SBF2: variants seen among roughly 807,000 people sequenced by gnomAD.
The protein encoded by SBF2 is SET binding factor 2.
SBF2 carries 112 observed loss-of-function variants against 225.2 expected under a neutral mutation model. The observed-to-expected ratio is 0.50, with a 90% confidence interval of 0.43 to 0.58. SBF2 has a LOEUF of 0.58. Ranked by LOEUF, SBF2 falls within the 20% of genes least tolerant of loss-of-function variation. SBF2 has a pLI of 0.00. For missense variants in SBF2, 1,996 were observed against 2,206.2 expected (o/e 0.90, Z 1.91); for synonymous variants, 763 against 773.3 (o/e 0.99, Z 0.22).
chr11:9,854,034 T>C (rs1456646946), intron 19 of SBF2, among the ~76,000 whole-genome samples: 2 of 152,178 alleles, frequency 1.3e-5, no homozygotes, highest in Non-Finnish European at 2.9e-5. Context: ...AAAGAGGATT[T>C]TTTCATTTAT....
At chr11:9,868,892 C>CG (rs1437619263) in intron 17 of SBF2, among the ~76,000 whole-genome samples, 1 of 152,168 alleles carries the variant, frequency 6.6e-6, no homozygotes, top group African/African-American at 2.4e-5. Flanking sequence ...TAGCACTCAC[C>CG]GGGCACATCT....
chr11:9,966,399 AT>A (rs1866914447), intron 14 of SBF2, among the ~76,000 whole-genome samples: 1 of 152,104 alleles, frequency 6.6e-6, no homozygotes, highest in Non-Finnish European at 1.5e-5. Flanking sequence ...CAGAAAACAT[AT>A]TTTCTTGTAA....
chr11:10,257,206 T>C (rs945141364), intron 1 of SBF2, among the ~76,000 whole-genome samples: 15 of 152,206 alleles, frequency 9.9e-5, no homozygotes, highest in Non-Finnish European at 1.5e-5. Flanking sequence ...TATCCCATAC[T>C]GTCAATGACT....
At chr11:9,967,143 G>C (rs1229989485) in intron 14 of SBF2, among the ~76,000 whole-genome samples, 1 of 152,138 alleles carries the variant, frequency 6.6e-6, no homozygotes, top group Non-Finnish European at 1.5e-5. Context: ...AGGCCGAGGA[G>C]GGCAGATCAC....
intron 1 of SBF2, among the ~76,000 whole-genome samples, chr11:10,265,694 C>T (rs1386206883): frequency 6.6e-6 from 1 of 151,878 alleles, no homozygotes; most frequent in East Asian, 1.9e-4. Context: ...TAATAGCTGC[C>T]TTCTTTTTGA....
chr11:10,230,013 T>C (rs1205396766), intron 1 of SBF2, among the ~76,000 whole-genome samples: 4 of 152,164 alleles, frequency 2.6e-5, no homozygotes, highest in East Asian at 1.9e-4. Flanking sequence ...TGGGTGCATA[T>C]ATATTTAGGA....
At chr11:9,903,124 A>T (rs1861855901) in intron 16 of SBF2, among the ~76,000 whole-genome samples, 1 of 152,152 alleles carries the variant, frequency 6.6e-6, no homozygotes, top group Non-Finnish European at 1.5e-5. Context: ...GATCAAGACC[A>T]TCCTGGCTAA....
At chr11:10,049,045 T>G (rs940407938) in intron 2 of SBF2, among the ~76,000 whole-genome samples, 2 of 152,188 alleles carry the variant, frequency 1.3e-5, no homozygotes, top group Non-Finnish European at 2.9e-5. Context: ...CCTCTTCCAA[T>G]GACATATTTT....
intron 2 of SBF2, among the ~76,000 whole-genome samples, chr11:10,168,884 C>T (rs1956079573): frequency 6.6e-6 from 1 of 152,138 alleles, no homozygotes; most frequent in Non-Finnish European, 1.5e-5. Flanking sequence ...ATGGAAACCA[C>T]AATAAATTAA....
intron 17 of SBF2, among the ~76,000 whole-genome samples, chr11:9,875,096 A>C (rs572621740): frequency 5.9e-5 from 9 of 152,346 alleles, no homozygotes; most frequent in African/African-American, 2.2e-4. Context: ...CAAGCTGTTT[A>C]CCTAGTGGCC....
At position 10,111,689 on chromosome 11, in the gene SBF2, AAC is replaced by A. The variant is rs561719418; in HGVS notation, c.142-68710_142-68709del. On this transcript the variant is annotated intron_variant, in intron 2 of 39. Coordinates refer to ENST00000256190, the MANE Select transcript of SBF2 (RefSeq NM_030962.4). ...TCAGGAGTTCAAGACCAGCCTGGCC[AAC>A]ATGGCAAAACCGCATCTCTACTAAA... Among the ~76,000 whole-genome samples the A allele has an allele frequency of 5.6e-3, 853 of 152,354 alleles. 10 individuals are homozygous for A. Among genetic ancestry groups the A allele is most frequent in the African/African-American group, 0.02 (813 of 41,584 alleles).
intron 6 of SBF2, among the ~76,000 whole-genome samples, chr11:10,027,626 T>C (rs1374160559): frequency 6.6e-6 from 1 of 152,072 alleles, no homozygotes; most frequent in Non-Finnish European, 1.5e-5. Flanking sequence ...ATAGGCAGGA[T>C]ATATAAAGGA....
Position 10,051,865 on chromosome 11 carries a change from C to T in SBF2, c.142-8884G>A, listed in dbSNP as rs561378180. Among the ~76,000 whole-genome samples the T allele has an allele frequency of 2.6e-5, 4 of 152,148 alleles. No individual in the cohort carries two copies. The South Asian group carries it at 8.3e-4, about 32-fold the overall frequency. ...ATTTGGGAGTATCAGAATACAAACT[C>T]ACAATTTAATGAGAAGTACTCCTCA... On this transcript the variant is annotated intron_variant, in intron 2 of 39. Transcript: ENST00000256190.
At chr11:10,281,308 C>A (rs1963390784) in intron 1 of SBF2, among the ~76,000 whole-genome samples, 1 of 152,100 alleles carries the variant, frequency 6.6e-6, no homozygotes. Context: ...CCCAAGATGG[C>A]TGCTGGGGCT....
At chr11:10,249,219 C>A (rs1054138929) in intron 1 of SBF2, among the ~76,000 whole-genome samples, 7 of 150,786 alleles carry the variant, frequency 4.6e-5, no homozygotes, top group African/African-American at 1.7e-4. Context: ...TCTTAAAGCA[C>A]GAATCTGCTC....
At chr11:10,269,840 G>A (rs1309960453) in intron 1 of SBF2, among the ~76,000 whole-genome samples, 1 of 152,034 alleles carries the variant, frequency 6.6e-6, no homozygotes, top group East Asian at 1.9e-4. Context: ...TAGCTCACTG[G>A]AACCTCAAAT....
At chr11:10,022,596 AC>A (rs1948902080) in intron 6 of SBF2, among the ~76,000 whole-genome samples, 1 of 147,892 alleles carries the variant, frequency 6.8e-6, no homozygotes, top group Non-Finnish European at 1.5e-5. Context: ...CCTTTTATGT[AC>A]CCACCCCCCC....
intron 39 of SBF2, 48 bp from the exon 40 acceptor site, chr11:9,780,564 T>G: frequency 6.6e-7 from 1 of 1,519,688 alleles, no homozygotes; most frequent in Non-Finnish European, 9.1e-7. Context: ...CAGGGCTGTT[T>G]TATGGATTTG....
intron 29 of SBF2, among the ~76,000 whole-genome samples, chr11:9,816,313 A>G (rs1217482520): frequency 2.6e-5 from 4 of 152,128 alleles, no homozygotes; most frequent in African/African-American, 7.2e-5. Flanking sequence ...ACATCTTAGG[A>G]CATGTGTCTC....
Sources: allele counts gnomAD v4.1 joint callset (sites outside exome capture counted in the v4.1 genomes callset), GRCh38; gene constraint gnomAD v4.1.1; transcripts MANE v1.5; gene names NCBI Gene and HGNC (gene_info 2026-07-23, HGNC 2026-07-21).